The following GRM7 variants were observed in gnomAD, a reference collection of about 807,000 sequenced individuals.
GRM7 encodes the protein glutamate metabotropic receptor 7.
Under a neutral mutation model 84.5 loss-of-function variants are expected in GRM7, and 35 were observed. The ratio of observed to expected loss-of-function variants is 0.41; its 90% CI spans 0.32 to 0.55. The LOEUF is 0.55. GRM7 is among the 20% of genes least tolerant of loss of function. The pLI is 0.19. For missense variants in GRM7, 1,003 were observed against 1,194.6 expected, an observed-to-expected ratio of 0.84 and a Z score of 2.36; for synonymous variants, 487 against 455.1, an observed-to-expected ratio of 1.07 and a Z score of -0.89.
intron 7 of GRM7, among the ~76,000 whole-genome samples, chr3:7,530,620 T>C (rs1322267022): frequency 1.3e-5 from 2 of 152,210 alleles, no homozygotes; most frequent in Non-Finnish European, 2.9e-5. Flanking sequence ...TTCCTGACTT[T>C]TTAATGATCG....
chr3:7,498,287 A>G (rs3804945), intron 7 of GRM7, among the ~76,000 whole-genome samples: 109,344 of 152,074 alleles, frequency 0.72, 39,956 homozygotes, highest in African/African-American at 0.83. Flanking sequence ...GCAATAGCCT[A>G]CAATGCATTT....
chr3:6,897,224 G>A (rs2124996768), intron 1 of GRM7, among the ~76,000 whole-genome samples: 1 of 152,278 alleles, frequency 6.6e-6, no homozygotes, highest in East Asian at 1.9e-4. Flanking sequence ...TATTGTGTAT[G>A]GGAAGCAGTA....
At chr3:7,465,218 C>G (rs551442661) in intron 7 of GRM7, among the ~76,000 whole-genome samples, 1 of 152,010 alleles carries the variant, frequency 6.6e-6, no homozygotes, top group Non-Finnish European at 1.5e-5. Flanking sequence ...AAAACAGGCA[C>G]GCTCAGGTGG....
chr3:6,967,496 G>A (rs4257536), intron 1 of GRM7, among the ~76,000 whole-genome samples: 4,982 of 152,182 alleles, frequency 0.033, 128 homozygotes, highest in Admixed American at 0.095. Context: ...CGCCTGGCTC[G>A]GACTTACTGA....
At chr3:7,084,912 T>C (rs1162259027) in intron 1 of GRM7, among the ~76,000 whole-genome samples, 1 of 152,218 alleles carries the variant, frequency 6.6e-6, no homozygotes, top group African/African-American at 2.4e-5. Context: ...ACTTGTCATA[T>C]GCTGTGGATC....
rs374274753 is a variant in GRM7 at position 6,979,990 on chromosome 3, T to G, written c.519+118083T>G. On this transcript the variant is annotated intron_variant, in intron 1 of 9. Transcript: ENST00000357716. Reference sequence around the variant, plus strand: ...GAATAAAACATATAATTGCTAATTCTTGTTGAAAAATCCCCAAATCTCAAC... The same window carrying G: ...GAATAAAACATATAATTGCTAATTCGTGTTGAAAAATCCCCAAATCTCAAC... 1.6e-4 allele frequency among the ~76,000 whole-genome samples: 24 copies of G among 152,316 alleles called. 2 individuals are homozygous for G. In the South Asian group the frequency reaches 2.7e-3, roughly 17 times the overall value.
chr3:7,542,850 C>T (rs771914724), intron 7 of GRM7, among the ~76,000 whole-genome samples: 5 of 152,026 alleles, frequency 3.3e-5, no homozygotes, highest in Admixed American at 6.6e-5. Flanking sequence ...CCAGCCCATG[C>T]GTAGCAATTT....
intron 1 of GRM7, among the ~76,000 whole-genome samples, chr3:6,868,946 T>G (rs953480725): frequency 2.0e-5 from 3 of 152,190 alleles, no homozygotes; most frequent in Admixed American, 6.5e-5. Flanking sequence ...TGACTTTCTT[T>G]TATTCTTGAT....
intron 2 of GRM7, among the ~76,000 whole-genome samples, chr3:7,247,839 G>A (rs117435313): frequency 1.3e-3 from 197 of 151,890 alleles, no homozygotes; most frequent in East Asian, 6.8e-3. Flanking sequence ...GAAAATATAC[G>A]AAAAGTAAAT....
chr3:7,385,731 T>C (rs1042384694), intron 4 of GRM7, among the ~76,000 whole-genome samples: 5 of 152,246 alleles, frequency 3.3e-5, no homozygotes, highest in African/African-American at 1.2e-4. Context: ...GAGAATACTC[T>C]TCCATGTGTA....
intron 8 of GRM7, among the ~76,000 whole-genome samples, chr3:7,652,021 C>T (rs1311657658): frequency 5.9e-5 from 9 of 152,126 alleles, no homozygotes; most frequent in Admixed American, 5.2e-4. Context: ...TTTTGACCAA[C>T]ATTTGGGGGG....
intron 2 of GRM7, among the ~76,000 whole-genome samples, chr3:7,290,434 C>G (rs1180660265): frequency 2.0e-5 from 3 of 152,150 alleles, no homozygotes; most frequent in Admixed American, 1.3e-4. Flanking sequence ...AAATGTTTCT[C>G]AGGCAAAATA....
At chr3:7,127,642 A>C (rs191639892) in intron 1 of GRM7, among the ~76,000 whole-genome samples, 1 of 152,318 alleles carries the variant, frequency 6.6e-6, no homozygotes, top group East Asian at 1.9e-4. Flanking sequence ...CATAACATAT[A>C]TAATATTTTT....
intron 2 of GRM7, among the ~76,000 whole-genome samples, chr3:7,265,084 C>G (rs1698588993): frequency 1.3e-5 from 2 of 152,214 alleles, no homozygotes; most frequent in South Asian, 2.1e-4. Flanking sequence ...AAGAGGGCAG[C>G]TAGATTTTTG....
At chr3:7,389,434 T>C (rs780823655) in intron 4 of GRM7, among the ~76,000 whole-genome samples, 8 of 152,080 alleles carry the variant, frequency 5.3e-5, no homozygotes, top group Admixed American at 5.2e-4. Flanking sequence ...CTGCTTTGAT[T>C]ATTTGTCTAA....
At chr3:7,724,093 A>C (rs575178552) in intron 9 of GRM7, among the ~76,000 whole-genome samples, 1 of 152,228 alleles carries the variant, frequency 6.6e-6, no homozygotes, top group South Asian at 2.1e-4. Context: ...TGTGAGCCTG[A>C]TATGTCTGGG....
chr3:7,535,085 A>G (rs1348955496), intron 7 of GRM7, among the ~76,000 whole-genome samples: 1 of 152,182 alleles, frequency 6.6e-6, no homozygotes, highest in Non-Finnish European at 1.5e-5. Context: ...TGACGGATCA[A>G]TTGCCATTTC....
chr3:7,634,306 C>T (rs1196516450), intron 8 of GRM7, among the ~76,000 whole-genome samples: 2 of 152,008 alleles, frequency 1.3e-5, no homozygotes, highest in Non-Finnish European at 2.9e-5. Context: ...TAAATTGTCA[C>T]ATATCATCTC....
At chr3:6,998,519 C>A (rs1198218609) in intron 1 of GRM7, among the ~76,000 whole-genome samples, 3 of 152,174 alleles carry the variant, frequency 2.0e-5, no homozygotes, top group Middle Eastern at 3.2e-3. Context: ...CTAGGCAGTG[C>A]CCCAGTGGGG....
Sources: gnomAD v4.1 joint callset for allele counts (sites outside exome capture counted in the v4.1 genomes callset) on GRCh38, gnomAD v4.1.1 for gene constraint, MANE v1.5 for transcripts, NCBI Gene and HGNC (gene_info 2026-07-23, HGNC 2026-07-21) for gene names.